Variants in DNM1 observed in about 807,000 individuals in gnomAD.
The protein encoded by DNM1 is dynamin-1.
A neutral mutation model predicts 104.6 loss-of-function variants in DNM1; 29 were observed. The observed-to-expected ratio is 0.28, with a 90% CI of 0.21 to 0.38. DNM1 has a LOEUF of 0.38. DNM1 is among the 10% of genes least tolerant of loss of function. The pLI is 1.00. For synonymous variants in DNM1, 445 were observed against 475.8 expected (o/e 0.94, Z 0.84); for missense variants, 640 against 1,189.4 (o/e 0.54, Z 6.79).
chr9:128,243,520 T>C lies in DNM1; in HGVS notation c.1671+1175T>C, dbSNP rs1344531624. Among the ~76,000 whole-genome samples, 2 of 152,196 alleles carry C rather than the reference T, an allele frequency of 1.3e-5. No homozygotes were observed. Among genetic ancestry groups the C allele is most frequent in the Non-Finnish European group, 2.9e-5 (2 of 68,020 alleles). On this transcript the variant is annotated intron_variant, in intron 15 of 21. Transcript: ENST00000372923. This position sits in a 1 kb window ranked among gnomAD's most constrained non-coding sequence, Gnocchi z 4.0. ...CTTGGGAGGGGCCCTCTGTCGTCAC[T>C]GGCGGGGGCGCCAAGCCATCTGGAC...
intron 11 of DNM1, among the ~76,000 whole-genome samples, chr9:128,236,500 A>G (rs1836020215): frequency 1.3e-5 from 2 of 152,216 alleles, no homozygotes; most frequent in Admixed American, 6.5e-5. Flanking sequence ...AATTACAAGG[A>G]GATAGCCCTC....
chr9:128,220,991 T>G lies in DNM1; in HGVS notation c.849+650T>G. ...TCTTTCTTTCTCTTTCTTTCTTTCTTTCCCTTCCTTCCTTCCTTCCTTCCT... is the reference window on the plus strand; with the variant it reads ...TCTTTCTTTCTCTTTCTTTCTTTCTGTCCCTTCCTTCCTTCCTTCCTTCCT... On this transcript the variant is annotated intron_variant, in intron 6 of 21. Transcript: ENST00000372923. The surrounding 1 kb of genome is among the most constrained non-coding windows in gnomAD (Gnocchi z 5.2). The G allele has an allele frequency of 7.9e-6, 1 of 126,974 alleles. No individual in the cohort carries two copies. Among genetic ancestry groups the G allele is most frequent in the East Asian group, 2.3e-4 (1 of 4,336 alleles). 7.9% of individuals were successfully genotyped at this position (126,974 alleles called of 1,614,324 possible).
rs1263305021 is a variant in DNM1, at chr9:128,239,717, C to T, written c.1494-11C>T. The T allele has an allele frequency of 3.1e-6, 5 of 1,612,288 alleles. No individual in the cohort carries two copies. The highest frequency in any genetic ancestry group is 4.2e-6 in the Non-Finnish European group (5 of 1,179,206). On this transcript the variant is annotated splice_polypyrimidine_tract_variant and intron_variant, in intron 12 of 21. Coordinates refer to ENST00000372923, the MANE Select transcript of DNM1 (RefSeq NM_004408.4). ...GAGAAGTTCTGAGACTCCTCCCCTCCCTCCCATTAGTGCTCAGCAGAGGAG... is the reference window on the plus strand; with the variant it reads ...GAGAAGTTCTGAGACTCCTCCCCTCTCTCCCATTAGTGCTCAGCAGAGGAG...
rs376700785 is a variant in DNM1 at position 128,247,498 on chromosome 9, G to A, written c.1893+12G>A. The A allele has an allele frequency of 2.6e-5, 42 of 1,589,090 alleles. No homozygotes were observed. The Middle Eastern group carries it at 5.0e-4, about 19-fold the overall frequency. The stretch of plus-strand genomic sequence containing the variant: ...CTGAGCGTGTTGGGGTGAGTGGCAG[G>A]GCAAGGAGAGGAAGGGCAAGCATGA... On this transcript the variant is annotated intron_variant, in intron 17 of 21. Coordinates refer to ENST00000372923, the MANE Select transcript of DNM1 (RefSeq NM_004408.4). This position sits in a 1 kb window ranked among gnomAD's most constrained non-coding sequence, Gnocchi z 5.1.
intron 10 of DNM1, chr9:128,232,141 G>A (rs573303205): frequency 2.3e-6 from 1 of 433,056 alleles, no homozygotes; most frequent in East Asian, 7.3e-5. Context: ...GGGAGAATTG[G>A]TCATGCTCTT....
At chr9:128,209,408 GGC>G (rs1317607144) in intron 1 of DNM1, among the ~76,000 whole-genome samples, 2 of 152,144 alleles carry the variant, frequency 1.3e-5, no homozygotes. Flanking sequence ...GGAGAGGGTG[GGC>G]AGGGCAGGAG....
rs143834670 is a variant in DNM1, at chr9:128,219,113, C to T, written c.450C>T (p.Pro150=). 1 of 1,614,180 alleles carries T rather than the reference C, an allele frequency of 6.2e-7. No individual in the cohort carries two copies. The highest frequency in any genetic ancestry group is 8.5e-7 in the Non-Finnish European group (1 of 1,180,044). The change falls in exon 4 of 22, where the codon CCC becomes CCT. Residue 150 remains proline (P), a synonymous_variant. Coordinates refer to ENST00000372923, the MANE Select transcript of DNM1 (RefSeq NM_004408.4). ...AGGTCCCGGTGGGGGACCAACCTCC[C>T]GACATCGAGTTCCAGATCCGAGACA... ...MTKVPVGDQP[P]DIEFQIRDML...
rs1834720197 is a variant in DNM1, at chr9:128,218,098, C to G, written c.162-133C>G. The G allele has an allele frequency of 6.1e-6, 5 of 825,468 alleles. No homozygotes were observed. The highest frequency in any genetic ancestry group is 5.3e-5 in the Admixed American group (3 of 56,598). The allele number at this position is 825,468 out of a possible 1,614,324, so 51.1% of individuals were successfully genotyped here. On this transcript the variant is annotated intron_variant, in intron 1 of 21. Transcript: ENST00000372923. The surrounding 1 kb of genome is among the most constrained non-coding windows in gnomAD (Gnocchi z 4.8). ...GCCATATGCTCTTAGTTACCTGAAG[C>G]CCCTGGGCTAAGGAGCGGTGGAGCC...
chr9:128,239,457 A>G lies in DNM1; in HGVS notation c.1435A>G (p.Ile479Val). 2 of 1,613,774 alleles carry G rather than the reference A, an allele frequency of 1.2e-6. No individual in the cohort carries two copies. The highest frequency in any genetic ancestry group is 1.7e-6 in the Non-Finnish European group (2 of 1,179,804). Residue 479 changes from isoleucine to valine, a missense_variant, in exon 12 of 22, where the codon ATC (isoleucine) becomes GTC (valine). Ile to Val is a conservative substitution (Grantham distance 29). Coordinates refer to ENST00000372923, the MANE Select transcript of DNM1 (RefSeq NM_004408.4). ...TGTATCCTTGAAGGTCATGCTTCTC[A>G]TCGATATCGAGCTGGCTTACATGAA... Reference protein sequence around the residue: ...GRTKEQVMLLIDIELAYMNTN... With the variant: ...GRTKEQVMLLVDIELAYMNTN...
chr9:128,252,735 C>T (rs573749343), intron 21 of DNM1: 9 of 543,274 alleles, frequency 1.7e-5, no homozygotes, highest in East Asian at 1.4e-4. Context: ...ATGAGCAGCA[C>T]GGGTGATCCT....
At chr9:128,219,594 A>C (rs957434924) in intron 4 of DNM1, among the ~76,000 whole-genome samples, 3 of 152,170 alleles carry the variant, frequency 2.0e-5, no homozygotes, top group African/African-American at 7.2e-5. Context: ...ACTTGAGCCC[A>C]GGAGGTTGAG....
intron 10 of DNM1, among the ~76,000 whole-genome samples, chr9:128,227,549 T>C (rs1835422379): frequency 6.6e-6 from 1 of 151,426 alleles, no homozygotes. Flanking sequence ...GCCTGGCTAA[T>C]TTTTGTATTT....
In DNM1 at chr9:128,219,209, C is replaced by T. The variant is rs1267659491; in HGVS notation, c.546C>T (p.Ala182=). The T allele has an allele frequency of 2.5e-6, 4 of 1,614,074 alleles. No homozygotes were observed. The East Asian group carries it at 8.9e-5, about 36-fold the overall frequency. Reference sequence around the variant, plus strand: ...TGTCCCCCGCCAACTCTGACCTGGCCAATTCTGACGCCCTCAAGGTCGCCA... The same window carrying T: ...TGTCCCCCGCCAACTCTGACCTGGCTAATTCTGACGCCCTCAAGGTCGCCA... ...LAVSPANSDL[A]NSDALKVAKE... is the part of the protein sequence containing the mutation. The change falls in exon 4 of 22, where the codon GCC becomes GCT. Residue 182 remains alanine (A), a synonymous_variant. Transcript: ENST00000372923.
rs1377550847 is a variant in DNM1, at chr9:128,222,575, C to T, written c.1107C>T (p.Arg369=). 1 of 1,614,062 alleles carries T rather than the reference C, an allele frequency of 6.2e-7. No homozygotes were observed. Among genetic ancestry groups the T allele is most frequent in the African/African-American group, 1.3e-5 (1 of 74,936 alleles). ...GCATTAACCGAATCTTCCACGAGCG[C>T]TTCCCTTTCGAGCTGGTCAAGGTAG... The part of the protein sequence containing the change: ...GARINRIFHE[R]FPFELVKMEF... The change falls in exon 8 of 22, where the codon CGC becomes CGT. Residue 369 remains arginine (R), a synonymous_variant. Coordinates refer to ENST00000372923, the MANE Select transcript of DNM1 (RefSeq NM_004408.4). This position sits in a 1 kb window ranked among gnomAD's most constrained non-coding sequence, Gnocchi z 7.8.
At position 128,246,498 on chromosome 9, in the gene DNM1, G is replaced by A; in HGVS notation, c.1776G>A (p.Glu592=). 2 of 1,613,338 alleles carry A rather than the reference G, an allele frequency of 1.2e-6. No individual in the cohort carries two copies. The highest frequency in any genetic ancestry group is 1.7e-6 in the Non-Finnish European group (2 of 1,179,358). ...SKHIFALFNT[E]QRNVYKDYRQ... is the part of the protein sequence containing the mutation. ...ATATCTTTGCCCTCTTTAACACGGA[G>A]CAGAGGTGCCTGCCTGCCCCTGGCT... The change falls in exon 16 of 22, where the codon GAG becomes GAA. Residue 592 remains glutamate (E), a synonymous_variant. Transcript: ENST00000372923.
chr9:128,250,829 C>T lies in DNM1; in HGVS notation c.2423C>T (p.Ala808Val), dbSNP rs1474835177. 5.3e-6 allele frequency: 7 copies of T among 1,313,778 alleles called. No homozygotes were observed. Among genetic ancestry groups the T allele is most frequent in the Non-Finnish European group, 6.7e-6 (7 of 1,040,894 alleles). 81.4% of individuals were successfully genotyped at this position (1,313,778 alleles called of 1,614,324 possible). A position where few individuals can be genotyped will look rare whatever the true frequency, so the allele number is the denominator to read the frequency against. ...PAPGPPPAGSALGGAPPVPSR... is the reference protein window; with the variant it reads ...PAPGPPPAGSVLGGAPPVPSR... ...CCTGGGCCTCCGCCTGCTGGGTCCG[C>T]CCTGGGGGGGGCGCCCCCCGTGCCC... is the stretch of plus-strand genomic sequence containing the variant. Residue 808 changes from alanine (A) to valine (V), a missense_variant, in exon 21 of 22, where the codon GCC becomes GTC. Transcript: ENST00000372923.
At chr9:128,242,007 C>G (rs1240526652) in intron 14 of DNM1, among the ~76,000 whole-genome samples, 1 of 152,200 alleles carries the variant, frequency 6.6e-6, no homozygotes, top group Non-Finnish European at 1.5e-5. Context: ...GCCAGGTCTG[C>G]CTGTCAAAGG....
rs1487588595 is a variant in DNM1, at chr9:128,254,295, T to G, written c.2535-359T>G. ...AAGGCAAGGGGTGGCCCCAGGCCAG[T>G]GGGTTGGAAGACAGGGTGACCAGAG... is the stretch of plus-strand genomic sequence containing the variant. On this transcript the variant is annotated intron_variant, in intron 21 of 21. Transcript: ENST00000372923. The surrounding 1 kb of genome is among the most constrained non-coding windows in gnomAD (Gnocchi z 6.1). 7.2e-7 allele frequency: 1 copy of G among 1,381,568 alleles called. No homozygotes were observed. The highest frequency in any genetic ancestry group is 9.3e-7 in the Non-Finnish European group (1 of 1,077,748). 85.6% of individuals were successfully genotyped at this position (1,381,568 alleles called of 1,614,324 possible). A position where few individuals can be genotyped will look rare whatever the true frequency, so the allele number is the denominator to read the frequency against.
chr9:128,248,216 A>G lies in DNM1; in HGVS notation c.1905+281A>G. The G allele has an allele frequency of 1.9e-6, 1 of 521,608 alleles. No homozygotes were observed. 32.3% of individuals were successfully genotyped at this position (521,608 alleles called of 1,614,324 possible). On this transcript the variant is annotated intron_variant, in intron 18 of 21. Transcript: ENST00000372923. The surrounding 1 kb of genome is among the most constrained non-coding windows in gnomAD (Gnocchi z 5.6). ...GTGGTGCGCGCCTGTAATCCCAGCTACTCAGGAGGCTGAGGCAGGAGAATC... is the reference window on the plus strand; with the variant it reads ...GTGGTGCGCGCCTGTAATCCCAGCTGCTCAGGAGGCTGAGGCAGGAGAATC...
Sources: gnomAD v4.1 joint callset for allele counts (sites outside exome capture counted in the v4.1 genomes callset) on GRCh38, gnomAD v4.1.1 for gene constraint, Gnocchi (gnomAD v3.1) non-coding constraint, MANE v1.5 for transcripts, NCBI Gene and HGNC (gene_info 2026-07-23, HGNC 2026-07-21) for gene names.